The following PMPCA variants were observed in gnomAD, a reference collection of about 807,000 sequenced individuals.
PMPCA encodes mitochondrial-processing peptidase subunit alpha.
A neutral mutation model predicts 59.3 loss-of-function variants in PMPCA; 47 were observed. The ratio of observed to expected loss-of-function variants is 0.79; its 90% confidence interval spans 0.63 to 1.01. The LOEUF is 1.01. Among genes scored for constraint, PMPCA ranks in the 50% least tolerant of loss-of-function variants. The pLI is 0.00. For synonymous variants in PMPCA, 338 were observed against 290.3 expected (o/e 1.16, Z -1.67); for missense variants, 726 against 704.5 (o/e 1.03, Z -0.34).
Position 136,412,074 on chromosome 9 carries a change from G to A in PMPCA, c.149G>A (p.Gly50Glu). Reference sequence around the variant, plus strand: ...ATCCCCCTCTCTTCTCCCTTACCTGGAGTACCCAAGCCTGTTTTTGCTACA... The same window carrying A: ...ATCCCCCTCTCTTCTCCCTTACCTGAAGTACCCAAGCCTGTTTTTGCTACA... ...PNIPLSSPLP[G>E]VPKPVFATVD... Residue 50 changes from glycine to glutamate, a missense_variant, in exon 2 of 13, where the codon GGA (glycine) becomes GAA (glutamate). Transcript: ENST00000371717. 1.9e-6 allele frequency: 3 copies of A among 1,613,290 alleles called. No homozygotes were observed. Among genetic ancestry groups the A allele is most frequent in the Non-Finnish European group, 2.5e-6 (3 of 1,179,284 alleles).
rs1835221088 is a variant in PMPCA at position 136,414,562 on chromosome 9, C to G, written c.447C>G (p.Thr149=). 1 of 1,608,188 alleles carries G rather than the reference C, an allele frequency of 6.2e-7. No homozygotes were observed. The highest frequency in any genetic ancestry group is 1.3e-5 in the African/African-American group (1 of 74,814). The part of the protein sequence containing the change: ...ICDCQTSRDT[T]MYAVSADSKG... ...TTGTGTTTTCTTCCAGAGACACCAC[C>G]ATGTATGCTGTGTCTGCTGATAGCA... The change falls in exon 5 of 13, where the codon ACC becomes ACG. Residue 149 remains threonine, a synonymous_variant. Transcript: ENST00000371717.
chr9:136,417,489 T>TA (rs1554789981), intron 7 of PMPCA, among the ~76,000 whole-genome samples: 7 of 151,326 alleles, frequency 4.6e-5, no homozygotes, highest in African/African-American at 7.3e-5. Context: ...TTTTTTTTTT[T>TA]AGAGATGGAG....
intron 5 of PMPCA, 163 bp from the exon 6 acceptor site, chr9:136,416,128 C>G (rs1437346622): frequency 1.6e-6 from 1 of 617,916 alleles, no homozygotes; most frequent in Non-Finnish European, 2.9e-6. Flanking sequence ...AGCAGTCCCC[C>G]TCACTCACAC....
intron 5 of PMPCA, among the ~76,000 whole-genome samples, chr9:136,414,929 GAT>G (rs1192924767): frequency 6.6e-6 from 1 of 151,986 alleles, no homozygotes; most frequent in Non-Finnish European, 1.5e-5. Flanking sequence ...CTACAAAAAA[GAT>G]ACAAGAATTA....
chr9:136,417,166 C>A lies in PMPCA; in HGVS notation c.849C>A (p.Ala283=). Residue 283 remains alanine, a synonymous_variant, in exon 7 of 13, where the codon GCC becomes GCA. Coordinates refer to ENST00000371717, the MANE Select transcript of PMPCA (RefSeq NM_015160.3). ...AGCCGGCCTGGGGGAGCGCAGAGGC[C>A]GTGGATATTGACAGATCTGTGGCCC... The part of the protein sequence containing the change: ...GVQPAWGSAE[A]VDIDRSVAQY... The A allele has an allele frequency of 6.2e-7, 1 of 1,610,008 alleles. No homozygotes were observed. Among genetic ancestry groups the A allele is most frequent in the Non-Finnish European group, 8.5e-7 (1 of 1,177,354 alleles).
chr9:136,417,897 G>T, intron 7 of PMPCA, 120 bp from the exon 8 acceptor site: 1 of 766,004 alleles, frequency 1.3e-6, no homozygotes, highest in South Asian at 1.5e-5. Context: ...TTAGGCATGA[G>T]CCACTGTGCC....
rs560781373 is a variant in PMPCA, at chr9:136,422,821, C to T, written c.1409-274C>T. The T allele has an allele frequency of 9.5e-5, 118 of 1,247,144 alleles. 2 individuals are homozygous for T. In the South Asian group the frequency reaches 2.5e-3, roughly 26 times the overall value. The allele number at this position is 1,247,144 out of a possible 1,614,324, so 77.3% of individuals were successfully genotyped here. A position where few individuals can be genotyped will look rare whatever the true frequency, so the allele number is the denominator to read the frequency against. On this transcript the variant is annotated intron_variant, in intron 12 of 12. Coordinates refer to ENST00000371717, the MANE Select transcript of PMPCA (RefSeq NM_015160.3). Reference sequence around the variant, plus strand: ...TAAAGTGAGTTCATCAGACACGGAGCTCGCTCTTCTGTAAGTGTAACTCTT... The same window carrying T: ...TAAAGTGAGTTCATCAGACACGGAGTTCGCTCTTCTGTAAGTGTAACTCTT...
rs762134197 is a variant in PMPCA, at chr9:136,421,961, C to T, written c.1393C>T (p.Leu465=). ...ATRSRKLPHE[L]CTLIRNVKPE... ...TCGCTCCAGAAAGCTGCCGCACGAGCTGTGCACGCTCATCCGTGAGTACCG... is the reference window on the plus strand; with the variant it reads ...TCGCTCCAGAAAGCTGCCGCACGAGTTGTGCACGCTCATCCGTGAGTACCG... The change falls in exon 12 of 13, where the codon CTG becomes TTG. Residue 465 remains leucine, a synonymous_variant. Transcript: ENST00000371717. 8 of 1,612,062 alleles carry T rather than the reference C, an allele frequency of 5.0e-6. No homozygotes were observed. The highest frequency in any genetic ancestry group is 6.8e-6 in the Non-Finnish European group (8 of 1,179,150).
intron 4 of PMPCA, among the ~76,000 whole-genome samples, chr9:136,413,381 A>AG (rs1835188905): frequency 6.6e-6 from 1 of 152,002 alleles, no homozygotes; most frequent in African/African-American, 2.4e-5. Flanking sequence ...TGGTGGAGGG[A>AG]GGGGGCAGTG....
At chr9:136,417,627 T>A (rs1423231184) in intron 7 of PMPCA, among the ~76,000 whole-genome samples, 2 of 152,120 alleles carry the variant, frequency 1.3e-5, no homozygotes, top group African/African-American at 4.8e-5. Flanking sequence ...CACGCCCGGC[T>A]AAATTTTGTA....
Position 136,412,127 on chromosome 9 carries a change from A to G in PMPCA, c.202A>G (p.Lys68Glu). Residue 68 changes from lysine to glutamate, a missense_variant, in exon 2 of 13, where the codon AAA becomes GAA. Physicochemically the swap from Lys to Glu is moderately conservative, Grantham distance 56 (BLOSUM62 1). Transcript: ENST00000371717. Reference sequence around the variant, plus strand: ...TGATGGACAGGAAAAGTTTGAAACCAAAGTAACCACATTGGATAATGGGCT... The same window carrying G: ...TGATGGACAGGAAAAGTTTGAAACCGAAGTAACCACATTGGATAATGGGCT... ...TVDGQEKFET[K>E]VTTLDNGLRV... 1 of 1,614,118 alleles carries G rather than the reference A, an allele frequency of 6.2e-7. No homozygotes were observed. The highest frequency in any genetic ancestry group is 8.5e-7 in the Non-Finnish European group (1 of 1,179,970).
chr9:136,419,527 T>C (rs116235275), intron 11 of PMPCA: 4,207 of 281,356 alleles, frequency 0.015, 205 homozygotes, highest in African/African-American at 0.083. Context: ...CAGCGTGGGG[T>C]GTCTCGAGCC....
At chr9:136,422,273 TTAG>T in intron 12 of PMPCA, 1 of 1,313,732 alleles carries the variant, frequency 7.6e-7, no homozygotes, top group Non-Finnish European at 9.9e-7. Context: ...AGCACTCAAG[TTAG>T]TAGGCGAGAA....
rs1270840546 is a variant in PMPCA at position 136,422,205 on chromosome 9, T to C, written c.1408+229T>C. 5 of 1,492,476 alleles carry C rather than the reference T, an allele frequency of 3.4e-6. No homozygotes were observed. In the African/African-American group the frequency reaches 4.2e-5, roughly 12 times the overall value. The allele number at this position is 1,492,476 out of a possible 1,614,324, so 92.5% of individuals were successfully genotyped here. A position where few individuals can be genotyped will look rare whatever the true frequency, so the allele number is the denominator to read the frequency against. On this transcript the variant is annotated intron_variant, in intron 12 of 12. Transcript: ENST00000371717. ...ATGCACCTGCTGCCTCCTTGGCAGG[T>C]GACCCCACCCTCTGCACCCCTGGGA...
intron 7 of PMPCA, 139 bp downstream of exon 7, chr9:136,417,353 C>T (rs1835311609): frequency 1.6e-6 from 1 of 640,650 alleles, no homozygotes; most frequent in African/African-American, 1.8e-5. Flanking sequence ...TGCTGTAGTC[C>T]CACAGCAGGG....
At chr9:136,419,519 G>C (rs992782368) in intron 11 of PMPCA, 7 of 301,950 alleles carry the variant, frequency 2.3e-5, no homozygotes, top group Admixed American at 2.3e-4. Flanking sequence ...GTGGGCTGCA[G>C]CGTGGGGTGT....
chr9:136,412,456 T>A (rs1472614469), intron 2 of PMPCA, 34 bp from the exon 3 acceptor site: 2 of 988,738 alleles, frequency 2.0e-6, no homozygotes, highest in Non-Finnish European at 3.2e-6. Flanking sequence ...TTTGAATATC[T>A]GATGTAACCT....
At position 136,418,588 on chromosome 9, in the gene PMPCA, A is replaced by C. The variant is rs769502070; in HGVS notation, c.1024A>C (p.Met342Leu). 1 of 1,613,646 alleles carries C rather than the reference A, an allele frequency of 6.2e-7. No individual in the cohort carries two copies. Among genetic ancestry groups the C allele is most frequent in the African/African-American group, 1.3e-5 (1 of 74,928 alleles). The change falls in exon 9 of 13, where the codon ATG (methionine) becomes CTG (leucine). Residue 342 changes from methionine (M) to leucine (L), a missense_variant. By Grantham distance (15) the Met-to-Leu change is conservative (BLOSUM62 2). Transcript: ENST00000371717. Reference sequence around the variant, plus strand: ...CTTCATCCCCTTTGCAGTGTTGAACATGATGATGGGCGGAGGTGGCTCCTT... The same window carrying C: ...CTTCATCCCCTTTGCAGTGTTGAACCTGATGATGGGCGGAGGTGGCTCCTT... Reference protein sequence around the residue: ...EDFIPFAVLNMMMGGGGSFSA... With the variant: ...EDFIPFAVLNLMMGGGGSFSA...
At chr9:136,422,709 C>G (rs1313356603) in intron 12 of PMPCA, 12 of 1,053,234 alleles carry the variant, frequency 1.1e-5, no homozygotes, top group Non-Finnish European at 1.3e-5. Flanking sequence ...TCCTGGGGTT[C>G]CTGGGTGCAG....
Sources: allele counts gnomAD v4.1 joint callset (sites outside exome capture counted in the v4.1 genomes callset), GRCh38; gene constraint gnomAD v4.1.1; transcripts MANE v1.5; gene names NCBI Gene and HGNC (gene_info 2026-07-23, HGNC 2026-07-21).